Variants in SPEF2 observed in about 807,000 individuals in gnomAD.
SPEF2 encodes sperm flagellar and cilia associated 2.
SPEF2 carries 187 observed loss-of-function variants against 224.6 expected under a neutral mutation model. The ratio of observed to expected loss-of-function variants is 0.83; its 90% CI spans 0.74 to 0.94. The LOEUF is 0.94. SPEF2 is among the 40% of genes least tolerant of loss of function. SPEF2 has a pLI of 0.00. For synonymous variants in SPEF2, 715 were observed against 707.3 expected (o/e 1.01, Z -0.17); for missense variants, 2,170 against 2,135.6 (o/e 1.02, Z -0.32).
intron 12 of SPEF2, among the ~76,000 whole-genome samples, chr5:35,693,429 T>C (rs1168762560): frequency 1.3e-5 from 2 of 152,166 alleles, no homozygotes; most frequent in Non-Finnish European, 1.5e-5. Flanking sequence ...TTAGTAGATC[T>C]CAATTGGGGG....
rs76882906 is a variant in SPEF2 at position 35,705,281 on chromosome 5, A to G, written c.2508-370A>G. Reference sequence around the variant, plus strand: ...TTACTCAAAGATCTCTTCAATTTCTATCTCTGAGAAAAAAATAGATGGCCT... The same window carrying G: ...TTACTCAAAGATCTCTTCAATTTCTGTCTCTGAGAAAAAAATAGATGGCCT... On this transcript the variant is annotated intron_variant, in intron 17 of 36. Transcript: ENST00000356031. Among the ~76,000 whole-genome samples the G allele has an allele frequency of 1.6e-3, 237 of 152,120 alleles. 1 individual carries two copies. Among genetic ancestry groups the G allele is most frequent in the African/African-American group, 5.4e-3 (226 of 41,564 alleles).
At chr5:35,633,526 T>C (rs1201613211) in intron 2 of SPEF2, among the ~76,000 whole-genome samples, 2 of 152,074 alleles carry the variant, frequency 1.3e-5, no homozygotes, top group Non-Finnish European at 2.9e-5. Context: ...TGTCTTTGAA[T>C]CTAAAGTGTA....
At chr5:35,710,586 A>G (rs1269311342) in intron 19 of SPEF2, 4 of 984,948 alleles carry the variant, frequency 4.1e-6, no homozygotes, top group Non-Finnish European at 4.8e-6. Flanking sequence ...ATAACTGAGG[A>G]AGACAGTTTT....
chr5:35,631,386 T>TC (rs1429043247), intron 2 of SPEF2, among the ~76,000 whole-genome samples: 1 of 152,018 alleles, frequency 6.6e-6, no homozygotes, highest in Admixed American at 6.6e-5. Flanking sequence ...CAGTTAGTGA[T>TC]TAGGAAAATG....
chr5:35,725,860 A>C (rs1242417678), intron 20 of SPEF2, among the ~76,000 whole-genome samples: 2 of 152,186 alleles, frequency 1.3e-5, no homozygotes, highest in African/African-American at 4.8e-5. Context: ...TTACAACAAA[A>C]AAAATTGGTA....
chr5:35,710,787 A>G, intron 19 of SPEF2: 1 of 985,198 alleles, frequency 1.0e-6, no homozygotes, highest in Non-Finnish European at 1.2e-6. Context: ...TTTGTTTGCT[A>G]TTTTATAATT....
rs201211066 is a variant in SPEF2 at position 35,654,710 on chromosome 5, C to T, written c.962C>T (p.Ala321Val). The T allele has an allele frequency of 3.7e-5, 59 of 1,605,418 alleles. No individual in the cohort carries two copies. In the Middle Eastern group the frequency reaches 3.5e-3, roughly 95 times the overall value. ...AAATTGTTAATGGACCAGTTAATAG[C>T]CCACGAAGCACAAGAGGTAAGATAT... ...RRKLLMDQLI[A>V]HEAQEEAYRE... Residue 321 changes from alanine (A) to valine (V), a missense_variant, in exon 7 of 37, where the codon GCC (alanine) becomes GTC (valine). Coordinates refer to ENST00000356031, the MANE Select transcript of SPEF2 (RefSeq NM_024867.4).
At chr5:35,789,231 T>A (rs1222540728) in intron 30 of SPEF2, 1 of 703,006 alleles carries the variant, frequency 1.4e-6, no homozygotes, top group East Asian at 2.7e-5. Flanking sequence ...CAAGCTGACA[T>A]TGTTAAATTT....
At chr5:35,648,277 A>G (rs558828472) in intron 5 of SPEF2, among the ~76,000 whole-genome samples, 7 of 151,952 alleles carry the variant, frequency 4.6e-5, no homozygotes, top group African/African-American at 1.7e-4. Flanking sequence ...AATATTCTGT[A>G]CTTGGATTCT....
intron 36 of SPEF2, among the ~76,000 whole-genome samples, chr5:35,813,787 G>A (rs1296061213): frequency 6.6e-6 from 1 of 150,972 alleles, no homozygotes; most frequent in African/African-American, 2.4e-5. Context: ...CAGCTCTGAG[G>A]AAAAGGAACT....
At position 35,659,219 on chromosome 5, in the gene SPEF2, C is replaced by G. The variant is rs1561148632; in HGVS notation, c.1167+12C>G. 6.3e-7 allele frequency: 1 copy of G among 1,579,656 alleles called. No individual in the cohort carries two copies. The highest frequency in any genetic ancestry group is 8.6e-7 in the Non-Finnish European group (1 of 1,159,370). On this transcript the variant is annotated intron_variant, in intron 8 of 36. Transcript: ENST00000356031. ...TTGATCGAGAAGCGGTAAATACCAT[C>G]TTCCTTAGAAATCTTTCTAAGGTTA...
chr5:35,621,921 T>G (rs933803050), intron 1 of SPEF2, among the ~76,000 whole-genome samples: 7 of 152,184 alleles, frequency 4.6e-5, no homozygotes, highest in Admixed American at 3.3e-4. Flanking sequence ...CTACAGTACT[T>G]AGGGAAGCCA....
Position 35,793,215 on chromosome 5 carries a change from G to T in SPEF2, c.4611G>T (p.Lys1537Asn), listed in dbSNP as rs1268630910. 4 of 1,614,058 alleles carry T rather than the reference G, an allele frequency of 2.5e-6. No homozygotes were observed. Among genetic ancestry groups the T allele is most frequent in the Admixed American group, 1.7e-5 (1 of 59,996 alleles). ...ACTCCGAGTTCGTGGACTGGCGGAA[G>T]TTCCTGTTAGTAACCTCAATGCCTT... ...TVNSEFVDWR[K>N]FLLVTSMPWP... The change falls in exon 32 of 37, where the codon AAG becomes AAT. Residue 1537 changes from lysine to asparagine, a missense_variant. Coordinates refer to ENST00000356031, the MANE Select transcript of SPEF2 (RefSeq NM_024867.4).
At chr5:35,768,652 C>G (rs1415205690) in intron 26 of SPEF2, among the ~76,000 whole-genome samples, 3 of 151,954 alleles carry the variant, frequency 2.0e-5, no homozygotes, top group Non-Finnish European at 2.9e-5. Flanking sequence ...AACATTGTAC[C>G]CTTTTCCTTG....
At chr5:35,788,989 C>A (rs781295779) in intron 30 of SPEF2, 2 of 701,500 alleles carry the variant, frequency 2.9e-6, no homozygotes, top group Non-Finnish European at 5.2e-6. Context: ...CCCTCCAGAA[C>A]TTTCTCAAGG....
At chr5:35,635,898 T>C (rs994966723) in intron 2 of SPEF2, among the ~76,000 whole-genome samples, 10 of 152,194 alleles carry the variant, frequency 6.6e-5, no homozygotes, top group Non-Finnish European at 1.3e-4. Context: ...TTCCTTTCTT[T>C]AACATATTTA....
At chr5:35,726,866 C>G (rs577279252) in intron 20 of SPEF2, among the ~76,000 whole-genome samples, 1 of 152,074 alleles carries the variant, frequency 6.6e-6, no homozygotes, top group African/African-American at 2.4e-5. Context: ...TACCATAGGG[C>G]GCCACTTAAC....
At position 35,799,382 on chromosome 5, in the gene SPEF2, C is replaced by T. The variant is rs114401417; in HGVS notation, c.4831-586C>T. ...ACAAGACCCTGTGTCAATGTCAGCTCAGGCATTCAGAGTGAGAAAATTGCT... is the reference window on the plus strand; with the variant it reads ...ACAAGACCCTGTGTCAATGTCAGCTTAGGCATTCAGAGTGAGAAAATTGCT... On this transcript the variant is annotated intron_variant, in intron 33 of 36. Coordinates refer to ENST00000356031, the MANE Select transcript of SPEF2 (RefSeq NM_024867.4). 4.3e-3 allele frequency among the ~76,000 whole-genome samples: 655 copies of T among 152,276 alleles called. 6 individuals are homozygous for T. Among genetic ancestry groups the T allele is most frequent in the African/African-American group, 0.015 (611 of 41,552 alleles).
chr5:35,704,769 A>G lies in SPEF2; in HGVS notation c.2507+107A>G, dbSNP rs1400272889. ...GAAGAATATCTATTTCTTAGCATTC[A>G]ATCTTTTACAGGTAAAAGAAGACTA... On this transcript the variant is annotated intron_variant, in intron 17 of 36. Coordinates refer to ENST00000356031, the MANE Select transcript of SPEF2 (RefSeq NM_024867.4). The G allele has an allele frequency of 4.3e-6, 3 of 703,958 alleles. No individual in the cohort carries two copies. The East Asian group carries it at 8.2e-5, about 19-fold the overall frequency. 43.6% of individuals were successfully genotyped at this position (703,958 alleles called of 1,614,324 possible). A position where few individuals can be genotyped will look rare whatever the true frequency, so the allele number is the denominator to read the frequency against.
Sources: gnomAD v4.1 joint callset for allele counts (sites outside exome capture counted in the v4.1 genomes callset) on GRCh38, gnomAD v4.1.1 for gene constraint, MANE v1.5 for transcripts, NCBI Gene and HGNC (gene_info 2026-07-23, HGNC 2026-07-21) for gene names.